Variants in QRICH1 observed in about 807,000 individuals in gnomAD.
QRICH1 encodes the protein transcriptional regulator QRICH1.
QRICH1 carries 16 observed loss-of-function variants against 87.1 expected under a neutral mutation model. The observed-to-expected ratio is 0.18, with a 90% CI of 0.12 to 0.28. The LOEUF is 0.28. Ranked by LOEUF, QRICH1 falls within the 10% of genes least tolerant of loss-of-function variation. The pLI, the probability that QRICH1 is intolerant of heterozygous loss-of-function variation, is 1.00. For synonymous variants in QRICH1, 367 were observed against 368.4 expected, an observed-to-expected ratio of 1.00 and a Z score of 0.05; for missense variants, 647 against 951.7, an observed-to-expected ratio of 0.68 and a Z score of 4.21.
intron 8 of QRICH1, 137 bp downstream of exon 8, chr3:49,032,485 G>T: frequency 8.4e-7 from 1 of 1,196,370 alleles, no homozygotes; most frequent in Non-Finnish European, 1.2e-6. Context: ...TGGAATTTTT[G>T]GCTGGGGAGA....
At chr3:49,087,305 T>C (rs1409345801) in intron 1 of QRICH1, among the ~76,000 whole-genome samples, 1 of 149,978 alleles carries the variant, frequency 6.7e-6, no homozygotes, top group East Asian at 2.0e-4. Flanking sequence ...ACGCCTATAA[T>C]CCCAGCAGTT....
chr3:49,057,161 T>C lies in QRICH1; in HGVS notation c.1039A>G (p.Thr347Ala), dbSNP rs576386434. The stretch of plus-strand genomic sequence containing the variant: ...TCCAGCTTAACAGCTGCCAGGGCTG[T>C]GGGTGAGCCACTGACGTGAACTGCG... ...YNAVHVSGSPTALAAVKLEDD... is the reference protein window; with the variant it reads ...YNAVHVSGSPAALAAVKLEDD... The change falls in exon 3 of 10, where the codon ACA becomes GCA. Residue 347 changes from threonine to alanine, a missense_variant. Physicochemically the swap from Thr to Ala is moderately conservative, Grantham distance 58. This residue lies in a region of QRICH1 where 115 missense variants were observed against 126.8 expected (regional missense o/e 0.91). Transcript: ENST00000395443. The surrounding 1 kb of genome is among the most constrained non-coding windows in gnomAD (Gnocchi z 5.4). The C allele has an allele frequency of 1.5e-5, 24 of 1,614,216 alleles. No individual in the cohort carries two copies. Among genetic ancestry groups the C allele is most frequent in the South Asian group, 6.6e-5 (6 of 91,086 alleles).
chr3:49,040,896 T>A lies in QRICH1; in HGVS notation c.1786+3494A>T, dbSNP rs552012974. Among the ~76,000 whole-genome samples the A allele has an allele frequency of 2.0e-5, 3 of 152,358 alleles. No individual in the cohort carries two copies. The East Asian group carries it at 5.8e-4, about 29-fold the overall frequency. On this transcript the variant is annotated intron_variant, in intron 6 of 9. Coordinates refer to ENST00000395443, the MANE Select transcript of QRICH1 (RefSeq NM_198880.3). ...CATTTGGTGCTGTCGGTGTTTTGAA[T>A]TTCTGCCATTCTAATAAATGTACAG...
chr3:49,050,245 T>A, intron 3 of QRICH1, among the ~76,000 whole-genome samples: 1 of 46,684 alleles, frequency 2.1e-5, no homozygotes, highest in Admixed American at 2.5e-4. Flanking sequence ...CGGGACTCCG[T>A]CTCAAAAAAA....
At chr3:49,036,499 C>T (rs576032476) in intron 6 of QRICH1, among the ~76,000 whole-genome samples, 84 of 152,274 alleles carry the variant, frequency 5.5e-4, no homozygotes, top group Non-Finnish European at 1.0e-3. Context: ...TTTAAAGAGG[C>T]TTCTAATGGC....
intron 2 of QRICH1, among the ~76,000 whole-genome samples, chr3:49,060,319 A>G: frequency 6.6e-6 from 1 of 151,208 alleles, no homozygotes; most frequent in East Asian, 2.0e-4. Flanking sequence ...TCAGCCTCCC[A>G]AGTAGCTGGG....
intron 2 of QRICH1, among the ~76,000 whole-genome samples, chr3:49,063,208 G>T (rs1035340562): frequency 3.9e-5 from 6 of 152,246 alleles, no homozygotes; most frequent in African/African-American, 1.4e-4. Context: ...AAATAAGTAG[G>T]TTTATTATTT....
In QRICH1 at chr3:49,076,738, T is replaced by C; in HGVS notation, c.280A>G (p.Ile94Val). The C allele has an allele frequency of 1.3e-6, 2 of 1,592,544 alleles. No homozygotes were observed. The highest frequency in any genetic ancestry group is 1.1e-5 in the South Asian group (1 of 89,002). The change falls in exon 2 of 10, where the codon ATC becomes GTC. Residue 94 changes from isoleucine (I) to valine (V), a missense_variant. This residue lies in a region of QRICH1 where 156 missense variants were observed against 164.5 expected (regional missense o/e 0.95). Transcript: ENST00000395443. ...ACCTGCTGCGGCTGCTGAACCTGGA[T>C]CTGCTGTTCTTGCTGGGTTTGTGGC... ...VQPQTQQEQQ[I>V]QVQQPQQVQV...
intron 2 of QRICH1, among the ~76,000 whole-genome samples, chr3:49,076,445 G>C (rs911507507): frequency 6.6e-6 from 1 of 151,746 alleles, no homozygotes; most frequent in Non-Finnish European, 1.5e-5. Context: ...ACCCGCTTCT[G>C]GGTTGGGGTT....
rs1313610273 is a variant in QRICH1, at chr3:49,086,479, G to A, written c.-22+7433C>T. ...TCGCCGTGTTAGCCAGGATGGTCTC[G>A]ATCTCCTGACCTCGTGATCCTCAGC... On this transcript the variant is annotated intron_variant, in intron 1 of 9. Coordinates refer to ENST00000395443, the MANE Select transcript of QRICH1 (RefSeq NM_198880.3). Among the ~76,000 whole-genome samples, 4 of 152,074 alleles carry A rather than the reference G, an allele frequency of 2.6e-5. No individual in the cohort carries two copies. In the South Asian group the frequency reaches 6.2e-4, roughly 24 times the overall value.
In QRICH1 at chr3:49,030,323, A is replaced by C; in HGVS notation, c.*129T>G. On this transcript the variant is annotated 3_prime_UTR_variant, in exon 10 of 10. Coordinates refer to ENST00000395443, the MANE Select transcript of QRICH1 (RefSeq NM_198880.3). Reference sequence around the variant, plus strand: ...AAGTTTTCTTTTATATTTTAAACAGAAGCAGCCTGAAAGGCTTCGTAACTA... The same window carrying C: ...AAGTTTTCTTTTATATTTTAAACAGCAGCAGCCTGAAAGGCTTCGTAACTA... 1.2e-6 allele frequency: 1 copy of C among 862,740 alleles called. No individual in the cohort carries two copies. The highest frequency in any genetic ancestry group is 1.7e-6 in the Non-Finnish European group (1 of 582,702). 53.4% of individuals were successfully genotyped at this position (862,740 alleles called of 1,614,324 possible).
chr3:49,078,095 A>C lies in QRICH1; in HGVS notation c.-21-1057T>G, dbSNP rs148558012. ...AGCAGCAGGATGAAAGAGTAACAGA[A>C]AACAAGCGAACGTTTTTGCCAAAAA... On this transcript the variant is annotated intron_variant, in intron 1 of 9. Coordinates refer to ENST00000395443, the MANE Select transcript of QRICH1 (RefSeq NM_198880.3). Among the ~76,000 whole-genome samples the C allele has an allele frequency of 3.0e-3, 453 of 152,302 alleles. 4 individuals carry two copies. The highest frequency in any genetic ancestry group is 0.01 in the African/African-American group (431 of 41,570).
intron 5 of QRICH1, among the ~76,000 whole-genome samples, chr3:49,044,975 C>T (rs1403356954): frequency 6.6e-6 from 1 of 152,044 alleles, no homozygotes; most frequent in African/African-American, 2.4e-5. Context: ...GAGGAAAAAA[C>T]TAGGAGGCAG....
At chr3:49,053,504 AAC>A (rs2093384343) in intron 3 of QRICH1, among the ~76,000 whole-genome samples, 1 of 151,338 alleles carries the variant, frequency 6.6e-6, no homozygotes, top group African/African-American at 2.4e-5. Flanking sequence ...AAAAAAAAAA[AAC>A]AAGTCTCAAC....
At position 49,030,599 on chromosome 3, in the gene QRICH1, A is replaced by C. The variant is rs1199479109; in HGVS notation, c.2184T>G (p.Pro728=). The C allele has an allele frequency of 2.5e-6, 4 of 1,609,198 alleles. No individual in the cohort carries two copies. Among genetic ancestry groups the C allele is most frequent in the Non-Finnish European group, 3.4e-6 (4 of 1,177,298 alleles). The change falls in exon 10 of 10, where the codon CCT becomes CCG. Residue 728 remains proline (P), a synonymous_variant. Transcript: ENST00000395443. ...KGRNDTFYLT[P]EPVVAPNSPI... ...GGCTGTTGGGGGCCACCACTGGCTC[A>C]GGTGTCAGGTAAAAGGTGTCATTCC... is the stretch of plus-strand genomic sequence containing the variant.
At chr3:49,086,257 T>A (rs1365507360) in intron 1 of QRICH1, among the ~76,000 whole-genome samples, 1 of 148,512 alleles carries the variant, frequency 6.7e-6, no homozygotes, top group East Asian at 1.9e-4. Context: ...CTCTTTTTCT[T>A]TTTCTTTTTT....
intron 2 of QRICH1, among the ~76,000 whole-genome samples, chr3:49,058,583 C>G (rs2093416657): frequency 6.6e-6 from 1 of 152,142 alleles, no homozygotes. Context: ...ACCTCGGCCT[C>G]CCAAAGTGCT....
In QRICH1 at chr3:49,072,332, T is replaced by C. The variant is rs553190640; in HGVS notation, c.309+4377A>G. Among the ~76,000 whole-genome samples, 64 of 152,138 alleles carry C rather than the reference T, an allele frequency of 4.2e-4. 1 individual carries two copies. Among genetic ancestry groups the C allele is most frequent in the Middle Eastern group, 6.8e-3 (2 of 292 alleles). On this transcript the variant is annotated intron_variant, in intron 2 of 9. Coordinates refer to ENST00000395443, the MANE Select transcript of QRICH1 (RefSeq NM_198880.3). ...GATAAAAAATGAGTAAATCTCAGCCTGGGCAACATGGTGAAATTCTGGCTC... is the reference window on the plus strand; with the variant it reads ...GATAAAAAATGAGTAAATCTCAGCCCGGGCAACATGGTGAAATTCTGGCTC...
At position 49,030,239 on chromosome 3, in the gene QRICH1, A is replaced by T. The variant is rs2106800305; in HGVS notation, c.*213T>A. ...GGACATATGACACTCAAGGAAACCCAGAGCCACCATCGGCTGAGGAGTCTG... is the reference window on the plus strand; with the variant it reads ...GGACATATGACACTCAAGGAAACCCTGAGCCACCATCGGCTGAGGAGTCTG... On this transcript the variant is annotated 3_prime_UTR_variant, in exon 10 of 10. Coordinates refer to ENST00000395443, the MANE Select transcript of QRICH1 (RefSeq NM_198880.3). The T allele has an allele frequency of 1.8e-6, 1 of 563,494 alleles. No homozygotes were observed. The highest frequency in any genetic ancestry group is 2.3e-5 in the South Asian group (1 of 42,632). 34.9% of individuals were successfully genotyped at this position (563,494 alleles called of 1,614,324 possible). A position where few individuals can be genotyped will look rare whatever the true frequency, so the allele number is the denominator to read the frequency against.
Sources: gnomAD v4.1 joint callset for allele counts (sites outside exome capture counted in the v4.1 genomes callset) on GRCh38, gnomAD v4.1.1 for gene constraint, gnomAD v4.1.1 regional missense constraint, Gnocchi (gnomAD v3.1) non-coding constraint, MANE v1.5 for transcripts, NCBI Gene and HGNC (gene_info 2026-07-23, HGNC 2026-07-21) for gene names.